The following XRCC4 variants were observed in gnomAD, a reference collection of about 807,000 sequenced individuals.
XRCC4 encodes the protein X-ray repair cross complementing 4, also known as DNA repair protein XRCC4.
In XRCC4, 28 loss-of-function variants were observed where a neutral mutation model predicts 39.1. The ratio of observed to expected loss-of-function variants is 0.72; its 90% CI spans 0.53 to 0.98. XRCC4 has a LOEUF of 0.98. XRCC4 is among the 50% of genes least tolerant of loss of function. The pLI is 0.00. For synonymous variants in XRCC4, 123 were observed against 126.4 expected, an observed-to-expected ratio of 0.97 and a Z score of 0.18; for missense variants, 350 against 376.4, an observed-to-expected ratio of 0.93 and a Z score of 0.58.
intron 3 of XRCC4, among the ~76,000 whole-genome samples, chr5:83,178,785 A>T (rs1383643427): frequency 6.6e-6 from 1 of 152,074 alleles, no homozygotes; most frequent in African/African-American, 2.4e-5. Context: ...AGAGTTTTTG[A>T]TGTGGTTTTC....
intron 6 of XRCC4, among the ~76,000 whole-genome samples, chr5:83,242,148 C>A (rs1335624797): frequency 7.0e-6 from 1 of 143,202 alleles, no homozygotes; most frequent in Non-Finnish European, 1.5e-5. Flanking sequence ...GCCCAAGGGT[C>A]ACTCGTATAC....
intron 1 of XRCC4, among the ~76,000 whole-genome samples, chr5:83,101,121 G>A (rs1745915487): frequency 1.3e-5 from 2 of 152,010 alleles, no homozygotes; most frequent in Non-Finnish European, 2.9e-5. Flanking sequence ...ATCATCTAAT[G>A]AGAGATTCAT....
chr5:83,275,669 A>G (rs1754305887), intron 7 of XRCC4, among the ~76,000 whole-genome samples: 1 of 152,214 alleles, frequency 6.6e-6, no homozygotes, highest in Admixed American at 6.5e-5. Flanking sequence ...AATTCCTGCG[A>G]CAAATGAGGT....
intron 3 of XRCC4, among the ~76,000 whole-genome samples, chr5:83,140,140 G>A (rs189912909): frequency 1.3e-5 from 2 of 152,264 alleles, no homozygotes; most frequent in African/African-American, 4.8e-5. Flanking sequence ...TATATGAAAG[G>A]GAGTTTGTTA....
At chr5:83,136,659 G>T (rs1483136633) in intron 3 of XRCC4, among the ~76,000 whole-genome samples, 1 of 151,774 alleles carries the variant, frequency 6.6e-6, no homozygotes, top group Non-Finnish European at 1.5e-5. Context: ...AATATTTTTG[G>T]TTACCTACAT....
intron 7 of XRCC4, among the ~76,000 whole-genome samples, chr5:83,296,784 AT>A (rs1479672551): frequency 2.0e-5 from 3 of 151,972 alleles, no homozygotes; most frequent in Admixed American, 2.0e-4. Flanking sequence ...AGTAAGTAAT[AT>A]TAGTAAGAAA....
At chr5:83,093,014 GACAC>G (rs34020910) in intron 1 of XRCC4, among the ~76,000 whole-genome samples, 44 of 149,276 alleles carry the variant, frequency 2.9e-4, no homozygotes, top group East Asian at 1.2e-3. Flanking sequence ...TAAATGAATG[GACAC>G]ACACACACAC....
chr5:83,328,682 G>T (rs928331230), intron 7 of XRCC4, among the ~76,000 whole-genome samples: 1 of 151,978 alleles, frequency 6.6e-6, no homozygotes, highest in African/African-American at 2.4e-5. Context: ...AAAAGGCTAA[G>T]AATAACCAAA....
chr5:83,113,983 G>A lies in XRCC4; in HGVS notation c.315+2780G>A, dbSNP rs567128379. Among the ~76,000 whole-genome samples, 38 of 152,260 alleles carry A rather than the reference G, an allele frequency of 2.5e-4. No individual in the cohort carries two copies. In the East Asian group the frequency reaches 6.6e-3, roughly 26 times the overall value. Reference sequence around the variant, plus strand: ...CAGAGGTTCCCAAACCTCAATTCTTGGCTTCTGTGCACTCGCAGGCTCAAC... The same window carrying A: ...CAGAGGTTCCCAAACCTCAATTCTTAGCTTCTGTGCACTCGCAGGCTCAAC... On this transcript the variant is annotated intron_variant, in intron 3 of 7. Transcript: ENST00000396027.
chr5:83,173,208 A>G (rs978789564), intron 3 of XRCC4, among the ~76,000 whole-genome samples: 1 of 152,160 alleles, frequency 6.6e-6, no homozygotes, highest in African/African-American at 2.4e-5. Context: ...GATTCAATAA[A>G]GCTGAAATAC....
the XRCC4 span, among the ~76,000 whole-genome samples, chr5:83,369,297 C>T: frequency 6.6e-6 from 1 of 152,090 alleles, no homozygotes; most frequent in Admixed American, 6.6e-5. Flanking sequence ...AGGATTGTTA[C>T]AGAGGAATTT....
chr5:83,262,443 T>C (rs1285301767), intron 7 of XRCC4, among the ~76,000 whole-genome samples: 1 of 152,108 alleles, frequency 6.6e-6, no homozygotes, highest in Non-Finnish European at 1.5e-5. Flanking sequence ...TTATTTTATC[T>C]GAGAACCACT....
At chr5:83,281,027 TC>T (rs1177161900) in intron 7 of XRCC4, among the ~76,000 whole-genome samples, 1 of 152,132 alleles carries the variant, frequency 6.6e-6, no homozygotes, top group Non-Finnish European at 1.5e-5. Flanking sequence ...GTGAAGAACA[TC>T]CCCTGTATCT....
intron 7 of XRCC4, among the ~76,000 whole-genome samples, chr5:83,349,760 A>G (rs553270302): frequency 6.6e-6 from 1 of 152,254 alleles, no homozygotes; most frequent in African/African-American, 2.4e-5. Flanking sequence ...GACTTTTTAA[A>G]TATGATTTCA....
At chr5:83,191,276 C>T (rs934941306) in intron 3 of XRCC4, among the ~76,000 whole-genome samples, 2 of 152,172 alleles carry the variant, frequency 1.3e-5, no homozygotes, top group Non-Finnish European at 2.9e-5. Flanking sequence ...ATCCATATCT[C>T]ATCTTGAATG....
intron 7 of XRCC4, among the ~76,000 whole-genome samples, chr5:83,267,689 G>A (rs1450846643): frequency 6.6e-6 from 1 of 152,114 alleles, no homozygotes; most frequent in Non-Finnish European, 1.5e-5. Context: ...AGCTACCTCT[G>A]GACTGTCGTG....
intron 6 of XRCC4, among the ~76,000 whole-genome samples, chr5:83,217,070 A>G (rs1278112267): frequency 6.6e-6 from 1 of 151,870 alleles, no homozygotes; most frequent in African/African-American, 2.4e-5. Flanking sequence ...CCAAAAACCA[A>G]TTGTGAGGTC....
intron 7 of XRCC4, among the ~76,000 whole-genome samples, chr5:83,346,186 A>T (rs188957090): frequency 1.0e-3 from 156 of 152,250 alleles, no homozygotes; most frequent in African/African-American, 3.6e-3. Context: ...TTAATCATTT[A>T]TTCCACAAAT....
At chr5:83,156,227 T>G (rs965824133) in intron 3 of XRCC4, among the ~76,000 whole-genome samples, 1 of 152,042 alleles carries the variant, frequency 6.6e-6, no homozygotes, top group African/African-American at 2.4e-5. Context: ...TGTGCAGTTA[T>G]TTTAGTTAAT....
Sources: gnomAD v4.1 joint callset for allele counts (sites outside exome capture counted in the v4.1 genomes callset) on GRCh38, gnomAD v4.1.1 for gene constraint, MANE v1.5 for transcripts, NCBI Gene and HGNC (gene_info 2026-07-23, HGNC 2026-07-21) for gene names.